The following PLOD1 variants were observed in gnomAD, a reference collection of about 807,000 sequenced individuals.
The protein encoded by PLOD1 is procollagen-lysine,2-oxoglutarate 5-dioxygenase 1.
A neutral mutation model predicts 94.7 loss-of-function variants in PLOD1; 70 were observed. That is an observed-to-expected ratio of 0.74 (90% CI 0.61 to 0.90). The LOEUF (loss-of-function observed/expected upper bound fraction) is 0.90. PLOD1 is among the 40% of genes least tolerant of loss of function. PLOD1 has a pLI of 0.00. For missense variants in PLOD1, 905 were observed against 972.7 expected (o/e 0.93, Z 0.93); for synonymous variants, 417 against 400.2 (o/e 1.04, Z -0.50).
At chr1:11,960,853 GAGTTCAGA>G (rs892334267) in intron 10 of PLOD1, 86 bp downstream of exon 10, 7 of 1,586,490 alleles carry the variant, frequency 4.4e-6, no homozygotes, top group Non-Finnish European at 6.0e-6. Context: ...TGAGTGACAG[GAGTTCAGA>G]AGGCTGTGTG....
chr1:11,962,397 C>T lies in PLOD1; in HGVS notation c.1098-1135C>T, dbSNP rs185921282. ...GTTCACGCCATTCTCCTGTCTTAGC[C>T]TCCCGAGTAGCTGTGACTACAGGTG... On this transcript the variant is annotated intron_variant, in intron 10 of 18. Coordinates refer to ENST00000196061, the MANE Select transcript of PLOD1 (RefSeq NM_000302.4). Among the ~76,000 whole-genome samples the T allele has an allele frequency of 2.6e-5, 4 of 151,528 alleles. No homozygotes were observed. The East Asian group carries it at 7.8e-4, about 30-fold the overall frequency.
intron 10 of PLOD1, among the ~76,000 whole-genome samples, chr1:11,961,310 G>C (rs1479410754): frequency 1.3e-5 from 2 of 152,174 alleles, no homozygotes; most frequent in African/African-American, 4.8e-5. Flanking sequence ...TCTTGAGCCC[G>C]GGAAGTCGAG....
intron 16 of PLOD1, 96 bp from the exon 17 acceptor site, chr1:11,970,571 TGTG>T (rs1293324209): frequency 1.8e-6 from 2 of 1,093,682 alleles, no homozygotes; most frequent in African/African-American, 3.1e-5. Flanking sequence ...TGTCATGTAA[TGTG>T]GTCCGGTCAC....
rs1645895080 is a variant in PLOD1 at position 11,975,120 on chromosome 1, T to G, written c.*312T>G. Reference sequence around the variant, plus strand: ...AAAACCAAGGCCCCCTTCCCCCACCTCTTCCATGGGGTGAGACTTGAGCAG... The same window carrying G: ...AAAACCAAGGCCCCCTTCCCCCACCGCTTCCATGGGGTGAGACTTGAGCAG... On this transcript the variant is annotated 3_prime_UTR_variant, in exon 19 of 19. Transcript: ENST00000196061. The G allele has an allele frequency of 2.3e-6, 1 of 441,282 alleles. No homozygotes were observed. The highest frequency in any genetic ancestry group is 4.2e-6 in the Non-Finnish European group (1 of 237,904). The allele number at this position is 441,282 out of a possible 1,614,324, so 27.3% of individuals were successfully genotyped here. A position where few individuals can be genotyped will look rare whatever the true frequency, so the allele number is the denominator to read the frequency against.
rs751358120 is a variant in PLOD1, at chr1:11,960,771, AGT to A, written c.1097+5_1097+6del. The A allele has an allele frequency of 6.2e-7, 1 of 1,612,496 alleles. No individual in the cohort carries two copies. Among genetic ancestry groups the A allele is most frequent in the Non-Finnish European group, 8.5e-7 (1 of 1,179,970 alleles). On this transcript the variant is annotated splice_donor_5th_base_variant and intron_variant, in intron 10 of 18. Transcript: ENST00000196061. Reference sequence around the variant, plus strand: ...CAGATGCCAGGAACATGGGCGCGTGAGTTGTGGGCCACAGTACTCTCCACTGA... The same window carrying A: ...CAGATGCCAGGAACATGGGCGCGTGATGTGGGCCACAGTACTCTCCACTGA...
chr1:11,970,906 G>A (rs1281111942), intron 17 of PLOD1, 90 bp downstream of exon 17: 13 of 1,139,768 alleles, frequency 1.1e-5, no homozygotes, highest in Non-Finnish European at 1.6e-5. Flanking sequence ...AGGGTGGGAG[G>A]TGGAGAAACT....
chr1:11,962,593 A>T (rs950571213), intron 10 of PLOD1, among the ~76,000 whole-genome samples: 1 of 151,828 alleles, frequency 6.6e-6, no homozygotes, highest in African/African-American at 2.4e-5. Context: ...TTTTTTCTTG[A>T]AACAACTTAA....
In PLOD1 at chr1:11,958,060, C is replaced by A; in HGVS notation, c.843+117C>A. 4.0e-6 allele frequency: 3 copies of A among 758,800 alleles called. No individual in the cohort carries two copies. Among genetic ancestry groups the A allele is most frequent in the Non-Finnish European group, 6.9e-6 (3 of 433,128 alleles). 47.0% of individuals were successfully genotyped at this position (758,800 alleles called of 1,614,324 possible). The stretch of plus-strand genomic sequence containing the variant: ...TCTTTGGTGGAAAGTGAAGGGGTCA[C>A]CTCCCTGCCTGGGGTTCTATCCCGG... On this transcript the variant is annotated intron_variant, in intron 8 of 18. Transcript: ENST00000196061. This position sits in a 1 kb window ranked among gnomAD's most constrained non-coding sequence, Gnocchi z 4.3.
At chr1:11,967,116 GGCCGCAGGGAGGC>G (rs781145805) in intron 16 of PLOD1, 25 bp downstream of exon 16, 4 of 1,467,588 alleles carry the variant, frequency 2.7e-6, no homozygotes, top group Non-Finnish European at 3.8e-6. Context: ...CCTGGGCTGG[GGCCGCAGGGAGGC>G]TGCCTCTCCA....
chr1:11,967,103 A>T lies in PLOD1; in HGVS notation c.1755+12A>T. On this transcript the variant is annotated intron_variant, in intron 16 of 18. Transcript: ENST00000196061. ...TGGGCAACAACAAGGTGGGACCCTGATGCCTGGGCTGGGGCCGCAGGGAGG... is the reference window on the plus strand; with the variant it reads ...TGGGCAACAACAAGGTGGGACCCTGTTGCCTGGGCTGGGGCCGCAGGGAGG... The T allele has an allele frequency of 6.4e-7, 1 of 1,553,380 alleles. No individual in the cohort carries two copies. Among genetic ancestry groups the T allele is most frequent in the Non-Finnish European group, 8.9e-7 (1 of 1,124,580 alleles).
At chr1:11,950,769 C>T (rs1174954143) in intron 4 of PLOD1, among the ~76,000 whole-genome samples, 1 of 152,116 alleles carries the variant, frequency 6.6e-6, no homozygotes, top group Admixed American at 6.5e-5. Flanking sequence ...CCTCCTCCAC[C>T]TACGTCCAAT....
rs1173716346 is a variant in PLOD1, at chr1:11,958,332, G to T, written c.844-184G>T. On this transcript the variant is annotated intron_variant, in intron 8 of 18. Coordinates refer to ENST00000196061, the MANE Select transcript of PLOD1 (RefSeq NM_000302.4). This position sits in a 1 kb window ranked among gnomAD's most constrained non-coding sequence, Gnocchi z 4.3. ...GGGCTCCTGCTGCTCTCTCCCCGGG[G>T]CACCCTCCTGCTGCTTCCCTGCCCC... Among the ~76,000 whole-genome samples the T allele has an allele frequency of 3.3e-5, 5 of 152,100 alleles. No homozygotes were observed. The highest frequency in any genetic ancestry group is 2.1e-4 in the South Asian group (1 of 4,812).
rs769499769 is a variant in PLOD1 at position 11,970,742 on chromosome 1, C to T, written c.1828C>T (p.Arg610Trp). The change falls in exon 17 of 19, where the codon CGG becomes TGG. Residue 610 changes from arginine (R) to tryptophan (W), a missense_variant. Physicochemically the swap from Arg to Trp is moderately radical, Grantham distance 101. Transcript: ENST00000196061. ...DIHMNQIGFE[R>W]EWHKFLLEYI... ...CCACATGAACCAGATCGGCTTTGAGCGGGAGTGGCACAAATTCCTGCTGGA... is the reference window on the plus strand; with the variant it reads ...CCACATGAACCAGATCGGCTTTGAGTGGGAGTGGCACAAATTCCTGCTGGA... The T allele has an allele frequency of 1.2e-5, 19 of 1,611,902 alleles. No individual in the cohort carries two copies. Among genetic ancestry groups the T allele is most frequent in the Middle Eastern group, 1.6e-4 (1 of 6,084 alleles).
chr1:11,939,317 C>G (rs1215367793), intron 1 of PLOD1, among the ~76,000 whole-genome samples: 3 of 151,958 alleles, frequency 2.0e-5, no homozygotes, highest in Non-Finnish European at 4.4e-5. Flanking sequence ...CTGCCAGACC[C>G]TGTTCCTGGC....
At chr1:11,938,134 G>GT (rs1645592486) in intron 1 of PLOD1, among the ~76,000 whole-genome samples, 1 of 145,992 alleles carries the variant, frequency 6.8e-6, no homozygotes. Flanking sequence ...TGTATTTTTA[G>GT]TAGAGACGGG....
chr1:11,964,054 G>A (rs1055680984), intron 11 of PLOD1, 121 bp from the exon 12 acceptor site: 36 of 1,026,230 alleles, frequency 3.5e-5, no homozygotes, highest in Non-Finnish European at 5.2e-5. Flanking sequence ...CTGTCTCAGT[G>A]AGGTGCTTGG....
intron 18 of PLOD1, 52 bp downstream of exon 18, chr1:11,973,049 C>G (rs745521617): frequency 6.2e-7 from 1 of 1,609,484 alleles, no homozygotes; most frequent in Admixed American, 1.7e-5. Context: ...ATGAGGAGGG[C>G]TAGCTGAGGA....
At chr1:11,968,282 T>A (rs1645835932) in intron 16 of PLOD1, among the ~76,000 whole-genome samples, 1 of 152,064 alleles carries the variant, frequency 6.6e-6, no homozygotes, top group African/African-American at 2.4e-5. Flanking sequence ...TATTTATTTT[T>A]TTTATTTTAA....
chr1:11,952,209 C>T lies in PLOD1; in HGVS notation c.467-414C>T, dbSNP rs566933731. Among the ~76,000 whole-genome samples, 3 of 152,360 alleles carry T rather than the reference C, an allele frequency of 2.0e-5. No individual in the cohort carries two copies. In the East Asian group the frequency reaches 5.8e-4, roughly 29 times the overall value. On this transcript the variant is annotated intron_variant, in intron 4 of 18. Coordinates refer to ENST00000196061, the MANE Select transcript of PLOD1 (RefSeq NM_000302.4). ...CCCCACTATGCCAGGTCTCAGCCCC[C>T]AAGGCACTCTGTGAGCTTGGCCCAG... is the stretch of plus-strand genomic sequence containing the variant.
Sources: allele counts gnomAD v4.1 joint callset (sites outside exome capture counted in the v4.1 genomes callset), GRCh38; gene constraint gnomAD v4.1.1; non-coding constraint Gnocchi (gnomAD v3.1); transcripts MANE v1.5; gene names NCBI Gene and HGNC (gene_info 2026-07-23, HGNC 2026-07-21).